The following ERICH6B variants were observed in gnomAD, a reference collection of about 807,000 sequenced individuals.
ERICH6B encodes glutamate rich 6B.
In ERICH6B, 69 loss-of-function variants were observed where a neutral mutation model predicts 80.0. The ratio of observed to expected loss-of-function variants is 0.86; its 90% CI spans 0.71 to 1.05. The LOEUF is 1.05. ERICH6B is among the 50% of genes least tolerant of loss of function. The probability of loss-of-function intolerance (pLI) is 0.00; values close to 1 mark genes in which losing one functional copy is unlikely to be tolerated. For missense variants in ERICH6B, 754 were observed against 796.1 expected, an observed-to-expected ratio of 0.95 and a Z score of 0.64; for synonymous variants, 283 against 291.9, an observed-to-expected ratio of 0.97 and a Z score of 0.31.
chr13:45,574,900 CA>C lies in ERICH6B; in HGVS notation c.991del (p.Trp331GlyfsTer4). The part of the protein sequence containing the change: ...VLEFASKENF[W>X]DGITDESIDK... ...AATGGACTCATCTGTTATACCATCC[CA>C]AAAGTTCTCTTTAGAAGCAAACTCC... On this transcript the variant is annotated frameshift_variant, in exon 8 of 15. Transcript: ENST00000298738. LOFTEE classifies it high-confidence loss of function. The C allele has an allele frequency of 6.4e-7, 1 of 1,551,456 alleles. No homozygotes were observed.
At chr13:45,614,386 TG>T (rs1305207881) in intron 1 of ERICH6B, among the ~76,000 whole-genome samples, 22 of 152,216 alleles carry the variant, frequency 1.4e-4, no homozygotes, top group Non-Finnish European at 2.4e-4. Flanking sequence ...CCCATGAGAC[TG>T]TAGCCCGGCA....
chr13:45,574,659 T>C (rs1325916540), intron 8 of ERICH6B, among the ~76,000 whole-genome samples, 183 bp downstream of exon 8: 2 of 152,176 alleles, frequency 1.3e-5, no homozygotes, highest in Non-Finnish European at 2.9e-5. Flanking sequence ...GGCTTTTCTG[T>C]CTGTGCTTGT....
Position 45,596,843 on chromosome 13 carries a change from A to T in ERICH6B, c.163T>A (p.Ser55Thr). Reference sequence around the variant, plus strand: ...TCCAGATACTCTTTGTCCTCCAGAGACTCTCCCTCTGGAGAAAATGGAGAT... The same window carrying T: ...TCCAGATACTCTTTGTCCTCCAGAGTCTCTCCCTCTGGAGAAAATGGAGAT... ...DESPFSPEGE[S>T]LEDKEYLEEE... The change falls in exon 3 of 15, where the codon TCT becomes ACT. Residue 55 changes from serine (S) to threonine (T), a missense_variant. Physicochemically the swap from Ser to Thr is moderately conservative, Grantham distance 58 (BLOSUM62 1). Transcript: ENST00000298738. 6.4e-7 allele frequency: 1 copy of T among 1,551,340 alleles called. No homozygotes were observed.
At chr13:45,562,130 C>T (rs1051678898) in intron 10 of ERICH6B, among the ~76,000 whole-genome samples, 6 of 152,306 alleles carry the variant, frequency 3.9e-5, no homozygotes, top group Admixed American at 2.0e-4. Flanking sequence ...TGGCATGACC[C>T]TGGCTCACTG....
chr13:45,594,293 C>G (rs968850760), intron 3 of ERICH6B, among the ~76,000 whole-genome samples: 1 of 152,188 alleles, frequency 6.6e-6, no homozygotes, highest in Non-Finnish European at 1.5e-5. Flanking sequence ...TTCAGTGCCT[C>G]TCCAATTTTT....
chr13:45,602,748 A>G (rs1032709878), intron 2 of ERICH6B, among the ~76,000 whole-genome samples: 1 of 152,194 alleles, frequency 6.6e-6, no homozygotes, highest in Non-Finnish European at 1.5e-5. Context: ...ATCCACCAGG[A>G]GAGCAGTCTG....
intron 11 of ERICH6B, 124 bp downstream of exon 11, chr13:45,561,245 G>T: frequency 1.1e-6 from 1 of 943,504 alleles, no homozygotes; most frequent in Non-Finnish European, 1.5e-6. Context: ...TGATATCTTG[G>T]ATGCATTTTT....
chr13:45,577,535 G>A (rs1440587386), intron 7 of ERICH6B, among the ~76,000 whole-genome samples: 2 of 152,022 alleles, frequency 1.3e-5, no homozygotes, highest in Admixed American at 1.3e-4. Flanking sequence ...GCCGGCCTCA[G>A]CCTCCCAAAA....
intron 14 of ERICH6B, among the ~76,000 whole-genome samples, chr13:45,544,258 A>G (rs1873901758): frequency 6.6e-6 from 1 of 152,164 alleles, no homozygotes; most frequent in African/African-American, 2.4e-5. Context: ...TATTTTTAGA[A>G]GAGACGGGGT....
intron 9 of ERICH6B, among the ~76,000 whole-genome samples, chr13:45,564,845 G>C (rs2137980438): frequency 6.6e-6 from 1 of 152,312 alleles, no homozygotes; most frequent in African/African-American, 2.4e-5. Flanking sequence ...CCAGTGAGGG[G>C]ATCTAGCCAG....
chr13:45,603,700 G>T (rs958017433), intron 2 of ERICH6B, among the ~76,000 whole-genome samples: 1 of 152,040 alleles, frequency 6.6e-6, no homozygotes, highest in Non-Finnish European at 1.5e-5. Flanking sequence ...ATGCCCCACT[G>T]CCCTGGGTCC....
At chr13:45,592,641 T>C (rs1195793273) in intron 3 of ERICH6B, among the ~76,000 whole-genome samples, 1 of 152,210 alleles carries the variant, frequency 6.6e-6, no homozygotes, top group Non-Finnish European at 1.5e-5. Flanking sequence ...TATTGTGACA[T>C]CTCTATAGCA....
chr13:45,580,013 A>G (rs953027315), intron 6 of ERICH6B, 39 bp from the exon 7 acceptor site: 2 of 1,451,704 alleles, frequency 1.4e-6, no homozygotes, highest in African/African-American at 2.8e-5. Flanking sequence ...AGGATACGGT[A>G]TAGTGAACTA....
intron 1 of ERICH6B, among the ~76,000 whole-genome samples, chr13:45,614,015 G>A (rs1949914255): frequency 6.6e-6 from 1 of 152,142 alleles, no homozygotes; most frequent in African/African-American, 2.4e-5. Flanking sequence ...CAGGAGAAAT[G>A]GGAGGACAGG....
intron 7 of ERICH6B, among the ~76,000 whole-genome samples, chr13:45,577,276 C>CTTTGTTTTTTTT (rs1875447755): frequency 1.2e-5 from 1 of 86,060 alleles, no homozygotes; most frequent in African/African-American, 3.6e-5. Flanking sequence ...AAAAACAAAT[C>CTTTGTTTTTTTT]TTTTTTTTTT....
At chr13:45,558,067 A>G (rs1874512114) in intron 11 of ERICH6B, among the ~76,000 whole-genome samples, 1 of 152,140 alleles carries the variant, frequency 6.6e-6, no homozygotes, top group South Asian at 2.1e-4. Flanking sequence ...ATCCATGAGC[A>G]TGGGATGTGT....
At chr13:45,586,983 A>G in intron 5 of ERICH6B, 80 bp downstream of exon 5, 1 of 1,416,262 alleles carries the variant, frequency 7.1e-7, no homozygotes, top group Non-Finnish European at 9.5e-7. Flanking sequence ...GAGCCACAAT[A>G]TTTCACATGC....
Position 45,596,383 on chromosome 13 carries a change from T to TTA in ERICH6B, c.621_622dup (p.Lys208IlefsTer5), listed in dbSNP as rs1566303429. ...CAGATACTCACCTTTCAGATACTTT[T>TTA]TATACAGATTTTCTTTTCCATCCAG... is the stretch of plus-strand genomic sequence containing the variant. On this transcript the variant is annotated frameshift_variant, in exon 3 of 15. Transcript: ENST00000298738. LOFTEE classifies it high-confidence loss of function. The TTA allele has an allele frequency of 6.4e-7, 1 of 1,550,514 alleles. No individual in the cohort carries two copies. Among genetic ancestry groups the TTA allele is most frequent in the East Asian group, 2.4e-5 (1 of 40,920 alleles).
rs1265293737 is a variant in ERICH6B at position 45,587,233 on chromosome 13, C to T, written c.687-1G>A. 1 of 1,551,508 alleles carries T rather than the reference C, an allele frequency of 6.4e-7. No homozygotes were observed. Among genetic ancestry groups the T allele is most frequent in the South Asian group, 1.2e-5 (1 of 84,020 alleles). On this transcript the variant is annotated splice_acceptor_variant, in intron 4 of 14. Transcript: ENST00000298738. LOFTEE classifies it high-confidence loss of function. ...CTGAGAGGGGCCAGCGTCTGGACTC[C>T]TGTCAGAGGGGAGAACAGGAAGGTC...
Sources: gnomAD v4.1 joint callset for allele counts (sites outside exome capture counted in the v4.1 genomes callset) on GRCh38, gnomAD v4.1.1 for gene constraint, MANE v1.5 for transcripts, NCBI Gene and HGNC (gene_info 2026-07-23, HGNC 2026-07-21) for gene names.